NCOA1: variants seen among roughly 807,000 people sequenced by gnomAD.
The protein encoded by NCOA1 is Hin-2 protein.
Under a neutral mutation model 150.9 loss-of-function variants are expected in NCOA1, and 35 were observed. The ratio of observed to expected loss-of-function variants is 0.23; its 90% confidence interval spans 0.18 to 0.31. NCOA1 has a LOEUF of 0.31. Among genes scored for constraint, NCOA1 ranks in the 10% least tolerant of loss-of-function variants. The pLI is 1.00. For missense variants in NCOA1, 1,491 were observed against 1,749.3 expected (o/e 0.85, Z 2.63); for synonymous variants, 590 against 630.0 (o/e 0.94, Z 0.95).
intron 3 of NCOA1, among the ~76,000 whole-genome samples, chr2:24,632,804 A>G (rs897965324): frequency 2.0e-5 from 3 of 152,226 alleles, no homozygotes; most frequent in African/African-American, 7.2e-5. Flanking sequence ...TGTTTGAAAA[A>G]TAAGCTAAGC....
At chr2:24,638,721 T>A (rs961264607) in intron 3 of NCOA1, among the ~76,000 whole-genome samples, 1 of 152,226 alleles carries the variant, frequency 6.6e-6, no homozygotes, top group African/African-American at 2.4e-5. Flanking sequence ...ATTGTGGTTT[T>A]GATTTGTATC....
intron 19 of NCOA1, among the ~76,000 whole-genome samples, chr2:24,743,937 G>C (rs1237077199): frequency 6.6e-6 from 1 of 152,156 alleles, no homozygotes; most frequent in Non-Finnish European, 1.5e-5. Flanking sequence ...TTTCAGGCAT[G>C]TACTTTTAAG....
chr2:24,660,519 T>A (rs1431664422), intron 5 of NCOA1, among the ~76,000 whole-genome samples: 1 of 152,128 alleles, frequency 6.6e-6, no homozygotes, highest in Non-Finnish European at 1.5e-5. Flanking sequence ...ATTTACATAA[T>A]TTATGTAATA....
chr2:24,532,231 G>A (rs551260685), intron 1 of NCOA1, among the ~76,000 whole-genome samples: 99 of 152,228 alleles, frequency 6.5e-4, no homozygotes, highest in Admixed American at 1.6e-3. Flanking sequence ...TTTTTCATGT[G>A]TCTGTGGCTA....
At chr2:24,531,432 G>A (rs532828396) in intron 1 of NCOA1, among the ~76,000 whole-genome samples, 2 of 152,172 alleles carry the variant, frequency 1.3e-5, no homozygotes, top group South Asian at 4.2e-4. Flanking sequence ...CAGCAACTTG[G>A]GTGGAGCTGG....
chr2:24,768,038 GA>G, intron 22 of NCOA1, 182 bp from the exon 23 acceptor site: 2 of 1,606,792 alleles, frequency 1.2e-6, no homozygotes, highest in Non-Finnish European at 1.7e-6. Context: ...GAACTTTCCA[GA>G]ACCCTGAGCA....
intron 9 of NCOA1, 88 bp downstream of exon 9, chr2:24,691,748 G>C: frequency 7.2e-7 from 1 of 1,398,342 alleles, no homozygotes; most frequent in South Asian, 1.4e-5. Flanking sequence ...GCCTTTTTCA[G>C]ATAGTATTTT....
chr2:24,641,834 G>A (rs891984810), intron 3 of NCOA1, among the ~76,000 whole-genome samples: 2 of 151,936 alleles, frequency 1.3e-5, no homozygotes, highest in African/African-American at 4.8e-5. Flanking sequence ...GCCAGAGTTG[G>A]TTTCTCTATA....
intron 13 of NCOA1, among the ~76,000 whole-genome samples, chr2:24,710,484 A>C (rs893496035): frequency 6.6e-6 from 1 of 152,214 alleles, no homozygotes; most frequent in East Asian, 1.9e-4. Flanking sequence ...TAATTTATGA[A>C]AAAGTTTTCC....
chr2:24,614,108 A>G (rs1326158104), intron 3 of NCOA1, among the ~76,000 whole-genome samples: 3 of 146,964 alleles, frequency 2.0e-5, no homozygotes, highest in Non-Finnish European at 3.0e-5. Context: ...ATCCTTTCCA[A>G]CCCTAGGTTA....
At chr2:24,716,318 A>G (rs1215913298) in intron 14 of NCOA1, among the ~76,000 whole-genome samples, 2 of 152,048 alleles carry the variant, frequency 1.3e-5, no homozygotes, top group Admixed American at 1.3e-4. Flanking sequence ...ATAAAGCACC[A>G]GTCATCAAGA....
At position 24,639,906 on chromosome 2, in the gene NCOA1, A is replaced by ATATGTGTG. The variant is rs1197259225; in HGVS notation, c.-174-4059_-174-4058insATGTGTGT. On this transcript the variant is annotated intron_variant, in intron 3 of 22. Coordinates refer to ENST00000348332, the MANE Select transcript of NCOA1 (RefSeq NM_003743.5). ...CTGTCTCAAAAAAAAAAAAAAAAGTATGTGTGTGTGTATATATATATATAT... is the reference window on the plus strand; with the variant it reads ...CTGTCTCAAAAAAAAAAAAAAAAGTATATGTGTGTGTGTGTGTGTATATATATATATAT... Among the ~76,000 whole-genome samples the ATATGTGTG allele has an allele frequency of 2.0e-4, 4 of 19,754 alleles. 1 individual carries two copies. The highest frequency in any genetic ancestry group is 3.2e-4 in the African/African-American group (3 of 9,450). The allele number at this position is 19,754 out of a possible 152,430, so 13.0% of individuals were successfully genotyped here.
At chr2:24,547,575 C>A (rs375326317) in intron 1 of NCOA1, among the ~76,000 whole-genome samples, 13 of 152,076 alleles carry the variant, frequency 8.5e-5, no homozygotes, top group Admixed American at 7.9e-4. Flanking sequence ...CTCTTTGACT[C>A]AGTAATTCTG....
chr2:24,613,630 T>C (rs1357979732), intron 3 of NCOA1, among the ~76,000 whole-genome samples: 1 of 151,572 alleles, frequency 6.6e-6, no homozygotes, highest in Non-Finnish European at 1.5e-5. Flanking sequence ...GGGTGCTGCG[T>C]ACAGAGGGCC....
At chr2:24,596,091 T>C (rs1667873655) in intron 3 of NCOA1, among the ~76,000 whole-genome samples, 1 of 152,084 alleles carries the variant, frequency 6.6e-6, no homozygotes, top group Non-Finnish European at 1.5e-5. Context: ...CTTATGGAGA[T>C]GTAGGTTTTA....
intron 11 of NCOA1, 40 bp from the exon 12 acceptor site, chr2:24,705,046 T>A: frequency 6.3e-7 from 1 of 1,597,612 alleles, no homozygotes; most frequent in Non-Finnish European, 8.5e-7. Context: ...AGCGTATAAG[T>A]ATCAGAATTT....
At chr2:24,496,040 T>TA (rs1179712491) in intron 1 of NCOA1, among the ~76,000 whole-genome samples, 3 of 152,134 alleles carry the variant, frequency 2.0e-5, no homozygotes, top group African/African-American at 7.2e-5. Context: ...GCACATGGAG[T>TA]AATGGGAGTC....
At chr2:24,630,791 T>C (rs900008319) in intron 3 of NCOA1, among the ~76,000 whole-genome samples, 1 of 152,104 alleles carries the variant, frequency 6.6e-6, no homozygotes, top group African/African-American at 2.4e-5. Context: ...AACAATGAAA[T>C]CACTTTTTTT....
At chr2:24,691,774 G>A (rs1672678516) in intron 9 of NCOA1, 114 bp downstream of exon 9, 5 of 960,576 alleles carry the variant, frequency 5.2e-6, no homozygotes, top group Non-Finnish European at 7.6e-6. Flanking sequence ...ACTATAATAT[G>A]TATCATAGTG....
Sources: gnomAD v4.1 joint callset for allele counts (sites outside exome capture counted in the v4.1 genomes callset) on GRCh38, gnomAD v4.1.1 for gene constraint, MANE v1.5 for transcripts, NCBI Gene and HGNC (gene_info 2026-07-23, HGNC 2026-07-21) for gene names.